The following NRG3 variants were observed in gnomAD, a reference collection of about 807,000 sequenced individuals.
The protein encoded by NRG3 is pro-neuregulin-3, membrane-bound isoform.
NRG3 carries 31 observed loss-of-function variants against 66.9 expected under a neutral mutation model. That is an observed-to-expected ratio of 0.46 (90% CI 0.35 to 0.63). NRG3 has a LOEUF of 0.63. NRG3 is among the 20% of genes least tolerant of loss of function. The pLI, the probability that NRG3 is intolerant of heterozygous loss-of-function variation, is 0.00. For synonymous variants in NRG3, 393 were observed against 359.4 expected (o/e 1.09, Z -1.06); for missense variants, 910 against 878.9 (o/e 1.04, Z -0.45).
At chr10:82,622,407 G>A (rs1311754768) in intron 2 of NRG3, among the ~76,000 whole-genome samples, 1 of 152,080 alleles carries the variant, frequency 6.6e-6, no homozygotes. Context: ...TTACCCAGAT[G>A]TGTTTATCAA....
chr10:82,900,550 T>C (rs4034737), intron 4 of NRG3, among the ~76,000 whole-genome samples: 45,268 of 152,030 alleles, frequency 0.3, 7,071 homozygotes, highest in East Asian at 0.53. Flanking sequence ...ATCTCATTCC[T>C]TGACAAATAC....
intron 4 of NRG3, among the ~76,000 whole-genome samples, chr10:82,948,498 A>T (rs1313618397): frequency 6.6e-6 from 1 of 152,086 alleles, no homozygotes; most frequent in Non-Finnish European, 1.5e-5. Flanking sequence ...TTTTAATAGC[A>T]TTGCAATCAA....
chr10:82,947,142 A>G (rs890779054), intron 4 of NRG3, among the ~76,000 whole-genome samples: 17 of 152,132 alleles, frequency 1.1e-4, no homozygotes, highest in Non-Finnish European at 1.5e-4. Context: ...AGGTATCTAC[A>G]TACATGTTTT....
Position 82,615,689 on chromosome 10 carries a change from C to T in NRG3, c.954-122888C>T, listed in dbSNP as rs1251135533. Among the ~76,000 whole-genome samples, 16 of 152,278 alleles carry T rather than the reference C, an allele frequency of 1.1e-4. No individual in the cohort carries two copies. In the South Asian group the frequency reaches 1.2e-3, roughly 12 times the overall value. On this transcript the variant is annotated intron_variant, in intron 2 of 8. Transcript: ENST00000372141. ...TACTAGGAAGGATTCTTCACTTCTACATCTGTTTAATAAGTTTCACACTTT... is the reference window on the plus strand; with the variant it reads ...TACTAGGAAGGATTCTTCACTTCTATATCTGTTTAATAAGTTTCACACTTT...
At chr10:81,883,183 T>C (rs895059690) in intron 1 of NRG3, among the ~76,000 whole-genome samples, 2 of 152,184 alleles carry the variant, frequency 1.3e-5, no homozygotes, top group African/African-American at 4.8e-5. Flanking sequence ...AATTAGATTC[T>C]CAAGAATTAA....
At chr10:82,617,521 T>C (rs927072362) in intron 2 of NRG3, among the ~76,000 whole-genome samples, 2 of 152,188 alleles carry the variant, frequency 1.3e-5, no homozygotes, top group African/African-American at 4.8e-5. Context: ...CATAAATGTC[T>C]GTTGGGGGTG....
chr10:82,082,299 T>TG (rs1330483093), intron 1 of NRG3, among the ~76,000 whole-genome samples: 2 of 152,216 alleles, frequency 1.3e-5, no homozygotes, highest in African/African-American at 4.8e-5. Context: ...ACTAAAATAA[T>TG]GAGCCCTGTG....
chr10:82,836,405 G>A (rs911935970), intron 3 of NRG3, among the ~76,000 whole-genome samples: 2 of 152,148 alleles, frequency 1.3e-5, no homozygotes, highest in African/African-American at 4.8e-5. Flanking sequence ...ATATTATTGA[G>A]TATAAACATA....
Position 82,321,361 on chromosome 10 carries a change from C to CT in NRG3, c.824-37375dup, listed in dbSNP as rs1210835022. Among the ~76,000 whole-genome samples, 3 of 151,802 alleles carry CT rather than the reference C, an allele frequency of 2.0e-5. No homozygotes were observed. The South Asian group carries it at 6.2e-4, about 31-fold the overall frequency. On this transcript the variant is annotated intron_variant, in intron 1 of 8. Transcript: ENST00000372141. The stretch of plus-strand genomic sequence containing the variant: ...TGCAGCCCCCCAAATAATTATCATT[C>CT]TTTGAGTTCTTACAATGTACCAAAA...
chr10:82,193,049 G>T (rs2074247963), intron 1 of NRG3, among the ~76,000 whole-genome samples: 1 of 151,880 alleles, frequency 6.6e-6, no homozygotes, highest in African/African-American at 2.4e-5. Context: ...GATTTAGAGG[G>T]TTTCCACATT....
chr10:82,470,852 T>A (rs1196837122), intron 2 of NRG3, among the ~76,000 whole-genome samples: 1 of 152,148 alleles, frequency 6.6e-6, no homozygotes, highest in East Asian at 1.9e-4. Context: ...CCCTGCCTCC[T>A]CAAGCTCCCC....
At chr10:82,401,753 T>C (rs1267847119) in intron 2 of NRG3, among the ~76,000 whole-genome samples, 2 of 152,180 alleles carry the variant, frequency 1.3e-5, no homozygotes, top group Non-Finnish European at 1.5e-5. Flanking sequence ...TCAGTTTTAT[T>C]TGAATTAAAT....
intron 1 of NRG3, among the ~76,000 whole-genome samples, chr10:82,095,624 A>G (rs2066290367): frequency 6.6e-6 from 1 of 152,172 alleles, no homozygotes; most frequent in African/African-American, 2.4e-5. Context: ...TGATATCCCA[A>G]GCTGACCTGA....
At chr10:82,571,974 T>G (rs191915690) in intron 2 of NRG3, among the ~76,000 whole-genome samples, 13 of 151,774 alleles carry the variant, frequency 8.6e-5, no homozygotes, top group African/African-American at 2.9e-4. Flanking sequence ...CTTCTCATTT[T>G]TTTCATTTCA....
chr10:82,649,950 G>A (rs1355273909), intron 2 of NRG3, among the ~76,000 whole-genome samples: 1 of 151,976 alleles, frequency 6.6e-6, no homozygotes, highest in African/African-American at 2.4e-5. Context: ...GTGGACATTG[G>A]CAGTGAAAGA....
intron 2 of NRG3, among the ~76,000 whole-genome samples, chr10:82,381,315 C>T (rs1023952097): frequency 6.6e-5 from 10 of 152,140 alleles, no homozygotes; most frequent in South Asian, 2.1e-4. Flanking sequence ...TAATGGAAAA[C>T]GACAACATTA....
intron 1 of NRG3, among the ~76,000 whole-genome samples, chr10:82,175,710 G>T (rs1309633022): frequency 4.6e-5 from 7 of 152,174 alleles, no homozygotes; most frequent in Admixed American, 4.6e-4. Context: ...AGTCCTTAGA[G>T]AATAGATCCT....
intron 3 of NRG3, among the ~76,000 whole-genome samples, chr10:82,847,693 C>T (rs926226287): frequency 6.6e-6 from 1 of 152,128 alleles, no homozygotes; most frequent in Non-Finnish European, 1.5e-5. Flanking sequence ...CATTTCCTCA[C>T]CTGAGACTGA....
intron 2 of NRG3, among the ~76,000 whole-genome samples, chr10:82,623,524 C>T (rs138359895): frequency 6.6e-6 from 1 of 152,112 alleles, no homozygotes; most frequent in Admixed American, 6.6e-5. Context: ...ATGTGCCAGG[C>T]ATTATGATGG....
Sources: allele counts gnomAD v4.1 joint callset (sites outside exome capture counted in the v4.1 genomes callset), GRCh38; gene constraint gnomAD v4.1.1; transcripts MANE v1.5; gene names NCBI Gene and HGNC (gene_info 2026-07-23, HGNC 2026-07-21).